LRRC4C: variants seen among roughly 807,000 people sequenced by gnomAD.
LRRC4C encodes leucine-rich repeat-containing protein 4C.
LRRC4C carries 5 observed loss-of-function variants against 33.6 expected under a neutral mutation model. The ratio of observed to expected loss-of-function variants is 0.15; its 90% confidence interval spans 0.08 to 0.31. LRRC4C has a LOEUF of 0.31. Among genes scored for constraint, LRRC4C ranks in the 10% least tolerant of loss-of-function variants. The probability of loss-of-function intolerance (pLI) is 1.00; values close to 1 mark genes in which losing one functional copy is unlikely to be tolerated. For missense variants in LRRC4C, 560 were observed against 796.7 expected (o/e 0.70, Z 3.58); for synonymous variants, 329 against 302.0 (o/e 1.09, Z -0.93).
chr11:41,167,610 C>T (rs1052731585), intron 1 of LRRC4C, among the ~76,000 whole-genome samples: 18 of 152,158 alleles, frequency 1.2e-4, no homozygotes, highest in African/African-American at 4.3e-4. Flanking sequence ...ACTTTTCTTG[C>T]ACTCACATCT....
intron 2 of LRRC4C, among the ~76,000 whole-genome samples, chr11:40,834,907 GACAGACACACACACACACACACAC>G (rs1952597676): frequency 2.2e-5 from 1 of 45,206 alleles, no homozygotes; most frequent in African/African-American, 4.9e-5. Flanking sequence ...CAGACAGACA[GACAGACACACACACACACACACAC>G]ACACACACAC....
chr11:40,892,573 A>G (rs534236032), intron 2 of LRRC4C, among the ~76,000 whole-genome samples: 1 of 152,368 alleles, frequency 6.6e-6, no homozygotes, highest in East Asian at 1.9e-4. Flanking sequence ...AACAAAATGT[A>G]GTAAAAAGAT....
intron 1 of LRRC4C, among the ~76,000 whole-genome samples, chr11:40,966,956 G>A (rs1353583849): frequency 1.3e-5 from 2 of 151,990 alleles, no homozygotes; most frequent in African/African-American, 4.8e-5. Context: ...TGTCTCAAGA[G>A]CCACATGAGG....
At position 41,268,769 on chromosome 11, in the gene LRRC4C, C is replaced by T. The variant is rs1411606831; in HGVS notation, c.-496+190662G>A. On this transcript the variant is annotated intron_variant, in intron 1 of 6. Coordinates refer to ENST00000528697, the MANE Select transcript of LRRC4C (RefSeq NM_001258419.2). ...TAGATGATATGAAAATCCCAAATTC[C>T]TCAGTGCTTGATGCTGGTAGTAAAC... Among the ~76,000 whole-genome samples the T allele has an allele frequency of 2.0e-5, 3 of 151,672 alleles. No homozygotes were observed. In the East Asian group the frequency reaches 5.8e-4, roughly 29 times the overall value.
intron 2 of LRRC4C, among the ~76,000 whole-genome samples, chr11:40,733,513 T>A (rs1947711498): frequency 6.6e-6 from 1 of 152,220 alleles, no homozygotes; most frequent in Non-Finnish European, 1.5e-5. Flanking sequence ...CCACTTAGCC[T>A]GCACTTCTAC....
intron 2 of LRRC4C, among the ~76,000 whole-genome samples, chr11:40,669,322 T>G (rs902929646): frequency 2.6e-5 from 4 of 152,190 alleles, no homozygotes; most frequent in African/African-American, 9.7e-5. Context: ...ACCAAAACAG[T>G]TAAAAGAAGG....
intron 2 of LRRC4C, among the ~76,000 whole-genome samples, chr11:40,791,350 T>C (rs1300675268): frequency 6.6e-6 from 1 of 152,180 alleles, no homozygotes; most frequent in African/African-American, 2.4e-5. Context: ...ATCAGTTATT[T>C]TCCCCCCACT....
At chr11:41,119,421 T>A (rs779958597) in intron 1 of LRRC4C, among the ~76,000 whole-genome samples, 39 of 152,176 alleles carry the variant, frequency 2.6e-4, no homozygotes, top group Non-Finnish European at 4.7e-4. Flanking sequence ...CTTGCTGTAC[T>A]TGAGCAAGAC....
intron 3 of LRRC4C, among the ~76,000 whole-genome samples, chr11:40,571,741 T>C (rs954613395): frequency 1.3e-5 from 2 of 152,198 alleles, no homozygotes; most frequent in Non-Finnish European, 2.9e-5. Flanking sequence ...ACACCCCCTA[T>C]AGCTTAGAAC....
At chr11:40,907,631 A>T (rs1306113152) in intron 2 of LRRC4C, among the ~76,000 whole-genome samples, 1 of 152,182 alleles carries the variant, frequency 6.6e-6, no homozygotes, top group Non-Finnish European at 1.5e-5. Flanking sequence ...ACACCTTGAA[A>T]CTGTGTAGCC....
intron 2 of LRRC4C, among the ~76,000 whole-genome samples, chr11:40,654,204 T>C (rs1423254865): frequency 2.0e-5 from 3 of 152,172 alleles, no homozygotes; most frequent in Non-Finnish European, 4.4e-5. Flanking sequence ...GCTGGTGTAC[T>C]GCCTAGTGGA....
chr11:40,527,899 C>T (rs1425521250), intron 3 of LRRC4C, among the ~76,000 whole-genome samples: 2 of 152,042 alleles, frequency 1.3e-5, no homozygotes, highest in Non-Finnish European at 1.5e-5. Flanking sequence ...CAGGCATGCA[C>T]CATGATGCCT....
At chr11:40,904,995 C>T (rs747897441) in intron 2 of LRRC4C, among the ~76,000 whole-genome samples, 3 of 152,060 alleles carry the variant, frequency 2.0e-5, no homozygotes, top group Non-Finnish European at 4.4e-5. Context: ...CACATTTGTG[C>T]GCACGTGCAC....
At chr11:41,386,954 C>A (rs1953384091) in intron 1 of LRRC4C, among the ~76,000 whole-genome samples, 1 of 151,696 alleles carries the variant, frequency 6.6e-6, no homozygotes, top group African/African-American at 2.4e-5. Context: ...AATTAGCAAT[C>A]AAATATTATA....
intron 3 of LRRC4C, among the ~76,000 whole-genome samples, chr11:40,534,811 T>A (rs944147665): frequency 1.3e-5 from 2 of 152,170 alleles, no homozygotes; most frequent in Non-Finnish European, 2.9e-5. Flanking sequence ...ATTTAAGAAG[T>A]CAAAGAGGAA....
intron 2 of LRRC4C, among the ~76,000 whole-genome samples, chr11:40,834,244 T>C (rs1181498975): frequency 2.0e-5 from 3 of 151,938 alleles, no homozygotes; most frequent in African/African-American, 7.3e-5. Context: ...GAGGCTGAGG[T>C]GGGCAGGTCA....
intron 1 of LRRC4C, among the ~76,000 whole-genome samples, chr11:41,092,278 T>C (rs1940480822): frequency 6.6e-6 from 1 of 152,070 alleles, no homozygotes; most frequent in Non-Finnish European, 1.5e-5. Context: ...TAAAGAAAAA[T>C]AAGTCTCGGA....
At chr11:41,215,648 C>G (rs1947028822) in intron 1 of LRRC4C, among the ~76,000 whole-genome samples, 1 of 152,168 alleles carries the variant, frequency 6.6e-6, no homozygotes, top group East Asian at 1.9e-4. Context: ...AGCCTTTTGT[C>G]TCTGGCTTCT....
chr11:40,330,383 T>G (rs2136930674), intron 3 of LRRC4C, among the ~76,000 whole-genome samples: 1 of 152,318 alleles, frequency 6.6e-6, no homozygotes, highest in South Asian at 2.1e-4. Flanking sequence ...GGTGATATTT[T>G]GATGCATGTA....
Sources: gnomAD v4.1 joint callset for allele counts (sites outside exome capture counted in the v4.1 genomes callset) on GRCh38, gnomAD v4.1.1 for gene constraint, MANE v1.5 for transcripts, NCBI Gene and HGNC (gene_info 2026-07-23, HGNC 2026-07-21) for gene names.